Variants in FAM53A observed in about 807,000 individuals in gnomAD.
FAM53A encodes the protein protein FAM53A.
In FAM53A, 28 loss-of-function variants were observed where a neutral mutation model predicts 26.6. That is an observed-to-expected ratio of 1.05 (90% CI 0.78 to 1.45). The LOEUF (loss-of-function observed/expected upper bound fraction) is 1.45. FAM53A is among the 40% of genes most tolerant of loss of function. The pLI is 0.00. For synonymous variants in FAM53A, 290 were observed against 253.1 expected (o/e 1.15, Z -1.38); for missense variants, 650 against 575.8 (o/e 1.13, Z -1.32).
chr4:1,664,394 A>C (rs1169519502), intron 2 of FAM53A, among the ~76,000 whole-genome samples: 1 of 152,168 alleles, frequency 6.6e-6, no homozygotes, highest in Non-Finnish European at 1.5e-5. Flanking sequence ...GTATGAAGAC[A>C]TACTTCCACA....
intron 4 of FAM53A, among the ~76,000 whole-genome samples, chr4:1,652,290 C>CCACACACACACAAACACCACACACGT (rs1560158837): frequency 3.5e-5 from 5 of 144,848 alleles, no homozygotes; most frequent in Non-Finnish European, 7.6e-5. Flanking sequence ...CACACACATG[C>CCACACACACACAAACACCACACACGT]CACACACACA....
chr4:1,623,392 T>C (rs1035889507), intron 1 of FAM53A, among the ~76,000 whole-genome samples: 1 of 150,496 alleles, frequency 6.6e-6, no homozygotes, highest in Non-Finnish European at 1.5e-5. Flanking sequence ...CAGAGTTGCG[T>C]TTCCGGCCCC....
the FAM53A span, among the ~76,000 whole-genome samples, chr4:1,598,131 C>G: frequency 3.3e-5 from 5 of 152,352 alleles, no homozygotes; most frequent in African/African-American, 1.2e-4. Flanking sequence ...CTACGTACCC[C>G]CTTTGTGAGC....
At chr4:1,585,010 G>T in the FAM53A span, among the ~76,000 whole-genome samples, 1 of 152,106 alleles carries the variant, frequency 6.6e-6, no homozygotes, top group East Asian at 1.9e-4. Context: ...TGTTTACTAT[G>T]TACAAGATGA....
chr4:1,657,384 G>T, intron 3 of FAM53A, 24 bp downstream of exon 3: 2 of 1,609,912 alleles, frequency 1.2e-6, no homozygotes, highest in Non-Finnish European at 1.7e-6. Flanking sequence ...TCAGGCCTCC[G>T]GCCACAGCTC....
chr4:1,683,919 G>C (rs892165461), intron 1 of FAM53A: 3 of 152,238 alleles, frequency 2.0e-5, no homozygotes, highest in Non-Finnish European at 4.4e-5. Flanking sequence ...GGCCTCCCGC[G>C]TCTGGGTCCC....
intron 4 of FAM53A, among the ~76,000 whole-genome samples, chr4:1,651,964 C>T (rs77181979): frequency 0.055 from 8,385 of 151,126 alleles, 658 homozygotes; most frequent in African/African-American, 0.17. Context: ...CACACACACA[C>T]CATGCACGCA....
the FAM53A span, among the ~76,000 whole-genome samples, chr4:1,606,733 A>G: frequency 2.0e-5 from 3 of 152,020 alleles, no homozygotes; most frequent in Non-Finnish European, 1.5e-5. Context: ...GCACGGATGG[A>G]CCCCTGTGTA....
rs150456552 is a variant in FAM53A, at chr4:1,677,351, C to T, written c.-165+6882G>A. Among the ~76,000 whole-genome samples the T allele has an allele frequency of 5.3e-4, 80 of 152,326 alleles. No homozygotes were observed. In the East Asian group the frequency reaches 0.013, roughly 25 times the overall value. The stretch of plus-strand genomic sequence containing the variant: ...GTCTGTTCCTGGACTCCGTGTCCCA[C>T]GCTTGCTGCTGTTGCCGCTGTTCTA... On this transcript the variant is annotated intron_variant, in intron 1 of 4. Coordinates refer to ENST00000308132, the MANE Select transcript of FAM53A (RefSeq NM_001174070.3).
intron 4 of FAM53A, among the ~76,000 whole-genome samples, chr4:1,653,073 A>T (rs1366377740): frequency 1.3e-5 from 2 of 148,832 alleles, no homozygotes; most frequent in Non-Finnish European, 3.0e-5. Flanking sequence ...GACGTCACAT[A>T]CACATCACAC....
chr4:1,589,519 A>ATTTCTC, the FAM53A span, among the ~76,000 whole-genome samples: 6 of 152,100 alleles, frequency 3.9e-5, no homozygotes, highest in Non-Finnish European at 8.8e-5. Context: ...ATGAGAAATA[A>ATTTCTC]TTTCTCTTTC....
intron 2 of FAM53A, 56 bp downstream of exon 2, chr4:1,668,611 C>T: frequency 1.2e-6 from 2 of 1,602,606 alleles, no homozygotes; most frequent in South Asian, 2.2e-5. Context: ...GTGGCCATTC[C>T]CCTGTGACAG....
intron 1 of FAM53A, among the ~76,000 whole-genome samples, chr4:1,673,979 A>C (rs964878675): frequency 8.5e-5 from 13 of 152,236 alleles, no homozygotes; most frequent in African/African-American, 2.9e-4. Flanking sequence ...GCAGGAAGGA[A>C]GGCGTTAGTC....
intron 2 of FAM53A, among the ~76,000 whole-genome samples, chr4:1,660,147 G>A (rs1470572929): frequency 6.6e-6 from 1 of 152,124 alleles, no homozygotes; most frequent in Non-Finnish European, 1.5e-5. Context: ...GCTGGGTGTG[G>A]TGGTGGGTGC....
intron 1 of FAM53A, among the ~76,000 whole-genome samples, chr4:1,627,748 C>G (rs1177779567): frequency 6.6e-6 from 1 of 152,122 alleles, no homozygotes; most frequent in African/African-American, 2.4e-5. Context: ...CCTCCACCAC[C>G]CCCTTGCCCT....
chr4:1,629,300 C>A (rs1363102813), intron 1 of FAM53A, among the ~76,000 whole-genome samples: 1 of 152,166 alleles, frequency 6.6e-6, no homozygotes, highest in Non-Finnish European at 1.5e-5. Context: ...TAGAGTCAAT[C>A]TCTGCTGCCA....
downstream of FAM53A, among the ~76,000 whole-genome samples, chr4:1,634,997 G>A (rs753329841): frequency 6.6e-6 from 1 of 152,132 alleles, no homozygotes; most frequent in Non-Finnish European, 1.5e-5. Context: ...GTGGCTGCAG[G>A]ACTATTTACA....
chr4:1,608,431 G>GC, the FAM53A span, among the ~76,000 whole-genome samples: 1 of 152,214 alleles, frequency 6.6e-6, no homozygotes, highest in Non-Finnish European at 1.5e-5. Context: ...ATGCTCACGG[G>GC]CCCCTCCCCG....
chr4:1,623,620 C>T (rs1344200570), intron 1 of FAM53A, among the ~76,000 whole-genome samples: 1 of 152,194 alleles, frequency 6.6e-6, no homozygotes, highest in East Asian at 1.9e-4. Flanking sequence ...TGCCATCCGT[C>T]AGCAGACGGC....
Sources: allele counts gnomAD v4.1 joint callset (sites outside exome capture counted in the v4.1 genomes callset), GRCh38; gene constraint gnomAD v4.1.1; transcripts MANE v1.5; gene names NCBI Gene and HGNC (gene_info 2026-07-23, HGNC 2026-07-21).